The following BCS1L variants were observed in gnomAD, a reference collection of about 807,000 sequenced individuals.
BCS1L encodes mitochondrial chaperone BCS1.
In BCS1L, 38 loss-of-function variants were observed where a neutral mutation model predicts 49.3. That is an observed-to-expected ratio of 0.77 (90% CI 0.59 to 1.01). The LOEUF is 1.01. Among genes scored for constraint, BCS1L ranks in the 50% least tolerant of loss-of-function variants. BCS1L has a pLI of 0.00. For missense variants in BCS1L, 394 were observed against 540.2 expected, an observed-to-expected ratio of 0.73 and a Z score of 2.68; for synonymous variants, 193 against 210.1, an observed-to-expected ratio of 0.92 and a Z score of 0.70.
chr2:218,660,424 G>GATTAA, intron 1 of BCS1L: 1 of 156,194 alleles, frequency 6.4e-6, no homozygotes, highest in Admixed American at 6.2e-5. Context: ...AGCAGGAGGT[G>GATTAA]AAGACCTATT....
At position 218,662,006 on chromosome 2, in the gene BCS1L, A is replaced by T; in HGVS notation, c.655+53A>T. On this transcript the variant is annotated intron_variant, in intron 4 of 7. Coordinates refer to ENST00000359273, the MANE Select transcript of BCS1L (RefSeq NM_001079866.2). The surrounding 1 kb of genome is among the most constrained non-coding windows in gnomAD (Gnocchi z 5.8). ...GCTGTTTTTGACATTTTTAGAAGGG[A>T]CAGGTTGGTCTCCAGCCAGATGGGG... 6.3e-7 allele frequency: 1 copy of T among 1,588,928 alleles called. No homozygotes were observed. The highest frequency in any genetic ancestry group is 1.1e-5 in the South Asian group (1 of 89,546).
In BCS1L at chr2:218,661,357, A is replaced by G; in HGVS notation, c.321-49A>G. 7 of 1,614,194 alleles carry G rather than the reference A, an allele frequency of 4.3e-6. No individual in the cohort carries two copies. The highest frequency in any genetic ancestry group is 5.9e-6 in the Non-Finnish European group (7 of 1,180,016). On this transcript the variant is annotated intron_variant, in intron 2 of 7. Coordinates refer to ENST00000359273, the MANE Select transcript of BCS1L (RefSeq NM_001079866.2). The surrounding 1 kb of genome is among the most constrained non-coding windows in gnomAD (Gnocchi z 5.9). The stretch of plus-strand genomic sequence containing the variant: ...TGTGAGAGTAGAAAAGAATGATGGG[A>G]GCTGGGTTTGACCCATTCACTCACT...
At position 218,663,167 on chromosome 2, in the gene BCS1L, G is replaced by A. The variant is rs565428815; in HGVS notation, c.1041G>A (p.Val347=). 1 of 1,614,174 alleles carries A rather than the reference G, an allele frequency of 6.2e-7. No individual in the cohort carries two copies. The highest frequency in any genetic ancestry group is 1.7e-5 in the Admixed American group (1 of 60,024). Residue 347 remains valine (V), a synonymous_variant, in exon 8 of 8, where the codon GTG becomes GTA. Coordinates refer to ENST00000359273, the MANE Select transcript of BCS1L (RefSeq NM_001079866.2). ...CTGCCCTGATACGCCCGGGGCGAGTGGACCTGAAGGAGTACGTGGGCTACT... is the reference window on the plus strand; with the variant it reads ...CTGCCCTGATACGCCCGGGGCGAGTAGACCTGAAGGAGTACGTGGGCTACT... ...LDPALIRPGR[V]DLKEYVGYCS...
Position 218,661,137 on chromosome 2 carries a change from A to G in BCS1L, c.150A>G (p.Thr50=), listed in dbSNP as rs779179182. The G allele has an allele frequency of 3.7e-6, 6 of 1,614,042 alleles. 1 individual carries two copies. The highest frequency in any genetic ancestry group is 5.1e-6 in the Non-Finnish European group (6 of 1,180,010). ...CATTCCGGCGCCATTACATGATCAC[A>G]CTGGAAGTCCCTGCTCGAGACAGGA... ...LVAFRRHYMI[T]LEVPARDRSY... is the part of the protein sequence containing the mutation. Residue 50 remains threonine (T), a synonymous_variant, in exon 2 of 8, where the codon ACA becomes ACG. Transcript: ENST00000359273. The surrounding 1 kb of genome is among the most constrained non-coding windows in gnomAD (Gnocchi z 5.9).
At chr2:218,658,931 G>A (rs1358335947), upstream of BCS1L, 3 of 152,308 alleles carry the variant, frequency 2.0e-5, no homozygotes, top group African/African-American at 7.2e-5. Context: ...GAAACAACGG[G>A]CCCCGGCCTA....
At chr2:218,660,858 A>G in intron 1 of BCS1L, 81 bp from the exon 2 acceptor site, 1 of 966,762 alleles carries the variant, frequency 1.0e-6, no homozygotes, top group Non-Finnish European at 1.6e-6. Flanking sequence ...CCCACACAGT[A>G]ATGCTGACCT....
At position 218,662,110 on chromosome 2, in the gene BCS1L, A is replaced by C. The variant is rs1939527569; in HGVS notation, c.656-87A>C. 6.6e-7 allele frequency: 1 copy of C among 1,515,154 alleles called. No individual in the cohort carries two copies. 93.9% of individuals were successfully genotyped at this position (1,515,154 alleles called of 1,614,324 possible). A position where few individuals can be genotyped will look rare whatever the true frequency, so the allele number is the denominator to read the frequency against. ...TATGAGAATGATTTATTTCCGTACC[A>C]AGGTTATCAGGCTTCCAGGGGGCAG... is the stretch of plus-strand genomic sequence containing the variant. On this transcript the variant is annotated intron_variant, in intron 4 of 7. Coordinates refer to ENST00000359273, the MANE Select transcript of BCS1L (RefSeq NM_001079866.2). The surrounding 1 kb of genome is among the most constrained non-coding windows in gnomAD (Gnocchi z 5.8).
Position 218,661,777 on chromosome 2 carries a change from A to G in BCS1L, c.479A>G (p.Gln160Arg). Residue 160 changes from glutamine to arginine, a missense_variant, in exon 4 of 8, where the codon CAG becomes CGG. Transcript: ENST00000359273. The surrounding 1 kb of genome is among the most constrained non-coding windows in gnomAD (Gnocchi z 5.9). ...TTCCCAGCTCGAGAGCTAGCCTTGCAGCAGGAGGAAGGGAAGACCGTGATG... is the reference window on the plus strand; with the variant it reads ...TTCCCAGCTCGAGAGCTAGCCTTGCGGCAGGAGGAAGGGAAGACCGTGATG... ...ILEEARELAL[Q>R]QEEGKTVMYT... The G allele has an allele frequency of 6.2e-7, 1 of 1,609,822 alleles. No homozygotes were observed. The highest frequency in any genetic ancestry group is 8.5e-7 in the Non-Finnish European group (1 of 1,176,348).
At position 218,660,945 on chromosome 2, in the gene BCS1L, G is replaced by A. The variant is rs145989550; in HGVS notation, c.-43G>A. The A allele has an allele frequency of 2.0e-3, 3,280 of 1,606,674 alleles. 4 individuals are homozygous for A. Among genetic ancestry groups the A allele is most frequent in the Non-Finnish European group, 2.5e-3 (2,988 of 1,175,836 alleles). On this transcript the variant is annotated 5_prime_UTR_variant, in exon 2 of 8. Transcript: ENST00000359273. Reference sequence around the variant, plus strand: ...CACTGTTCCCCACCCCTAGGTTTTCGTAACACCCCAGGGCCTGTAAGGTTT... The same window carrying A: ...CACTGTTCCCCACCCCTAGGTTTTCATAACACCCCAGGGCCTGTAAGGTTT...
rs914472798 is a variant in BCS1L at position 218,662,708 on chromosome 2, G to A, written c.889+29G>A. The stretch of plus-strand genomic sequence containing the variant: ...AGTGAGGGGTTCTGGAGGAAGTGGA[G>A]TGGGTAACTGTGGAACAGGGGAAGA... On this transcript the variant is annotated intron_variant, in intron 6 of 7. Coordinates refer to ENST00000359273, the MANE Select transcript of BCS1L (RefSeq NM_001079866.2). This position sits in a 1 kb window ranked among gnomAD's most constrained non-coding sequence, Gnocchi z 5.8. 6.2e-7 allele frequency: 1 copy of A among 1,613,858 alleles called. No individual in the cohort carries two copies.
chr2:218,661,239 TC>T lies in BCS1L; in HGVS notation c.253del (p.Gln85SerfsTer31), dbSNP rs1450243821. On this transcript the variant is annotated frameshift_variant, in exon 2 of 8. Coordinates refer to ENST00000359273, the MANE Select transcript of BCS1L (RefSeq NM_001079866.2). LOFTEE classifies it high-confidence loss of function. This position sits in a 1 kb window ranked among gnomAD's most constrained non-coding sequence, Gnocchi z 5.9. The stretch of plus-strand genomic sequence containing the variant: ...ACCTCAGTGTCGAGACTTCGTACCT[TC>T]AGCATGAGAGTGGCCGCATTTCCAC... ...QHLSVETSYLQHESGRISTKF... is the reference protein window; with the variant it reads ...QHLSVETSYLXHESGRISTKF... 6.2e-7 allele frequency: 1 copy of T among 1,614,222 alleles called. No individual in the cohort carries two copies. The highest frequency in any genetic ancestry group is 1.7e-5 in the Admixed American group (1 of 60,018).
chr2:218,661,778 G>A lies in BCS1L; in HGVS notation c.480G>A (p.Gln160=), dbSNP rs1939479360. Reference sequence around the variant, plus strand: ...TCCCAGCTCGAGAGCTAGCCTTGCAGCAGGAGGAAGGGAAGACCGTGATGT... The same window carrying A: ...TCCCAGCTCGAGAGCTAGCCTTGCAACAGGAGGAAGGGAAGACCGTGATGT... ...ILEEARELAL[Q]QEEGKTVMYT... Residue 160 remains glutamine, a synonymous_variant, in exon 4 of 8, where the codon CAG becomes CAA. Coordinates refer to ENST00000359273, the MANE Select transcript of BCS1L (RefSeq NM_001079866.2). This position sits in a 1 kb window ranked among gnomAD's most constrained non-coding sequence, Gnocchi z 5.9. 6.2e-7 allele frequency: 1 copy of A among 1,609,698 alleles called. No homozygotes were observed. Among genetic ancestry groups the A allele is most frequent in the South Asian group, 1.1e-5 (1 of 91,028 alleles).
Position 218,662,829 on chromosome 2 carries a change from A to G in BCS1L, c.890-54A>G. 1.9e-6 allele frequency: 3 copies of G among 1,593,184 alleles called. No homozygotes were observed. The highest frequency in any genetic ancestry group is 2.6e-6 in the Non-Finnish European group (3 of 1,161,190). On this transcript the variant is annotated intron_variant, in intron 6 of 7. Coordinates refer to ENST00000359273, the MANE Select transcript of BCS1L (RefSeq NM_001079866.2). This position sits in a 1 kb window ranked among gnomAD's most constrained non-coding sequence, Gnocchi z 5.8. ...GTAGGGGAACATAGTGGGGCATGCTAATTTTATGCTGGGCTATGACTACTC... is the reference window on the plus strand; with the variant it reads ...GTAGGGGAACATAGTGGGGCATGCTGATTTTATGCTGGGCTATGACTACTC...
chr2:218,663,093 G>A (rs1575111354), intron 7 of BCS1L, 41 bp from the exon 8 acceptor site: 2 of 1,614,188 alleles, frequency 1.2e-6, no homozygotes, highest in South Asian at 1.1e-5. Flanking sequence ...GGCCATCTCT[G>A]TTGGGTGCTA....
Position 218,662,519 on chromosome 2 carries a change from G to T in BCS1L, c.729G>T (p.Leu243=). 2 of 1,613,894 alleles carry T rather than the reference G, an allele frequency of 1.2e-6. No individual in the cohort carries two copies. The highest frequency in any genetic ancestry group is 2.2e-5 in the South Asian group (2 of 91,062). The part of the protein sequence containing the change: ...GCGKSSFITA[L]AGELEHSICL... ...ATCCCATGCTCCATAGCACAGCCCT[G>T]GCTGGGGAACTGGAGCACAGCATCT... Residue 243 remains leucine (L), a synonymous_variant, in exon 6 of 8, where the codon CTG becomes CTT. Transcript: ENST00000359273. This position sits in a 1 kb window ranked among gnomAD's most constrained non-coding sequence, Gnocchi z 5.8.
In BCS1L at chr2:218,661,944, A is replaced by G. The variant is rs1939507938; in HGVS notation, c.646A>G (p.Thr216Ala). 1.2e-6 allele frequency: 2 copies of G among 1,613,974 alleles called. No homozygotes were observed. Among genetic ancestry groups the G allele is most frequent in the Admixed American group, 3.3e-5 (2 of 59,974 alleles). ...ATTCATCGATAACCCCAAGTGGTAC[A>G]CTGACAGAGGTGAGAAGCAGCTGGG... is the stretch of plus-strand genomic sequence containing the variant. ...QEFIDNPKWY[T>A]DRGIPYRRGY... Residue 216 changes from threonine (T) to alanine (A), a missense_variant, in exon 4 of 8, where the codon ACT becomes GCT. Coordinates refer to ENST00000359273, the MANE Select transcript of BCS1L (RefSeq NM_001079866.2). The surrounding 1 kb of genome is among the most constrained non-coding windows in gnomAD (Gnocchi z 5.9).
intron 1 of BCS1L, chr2:218,660,407 T>TGACG: frequency 6.5e-6 from 1 of 153,658 alleles, no homozygotes; most frequent in Non-Finnish European, 1.4e-5. Context: ...GTGTAGATGT[T>TGACG]CCGTGAAGCA....
At chr2:218,658,934 C>G (rs1938952424), upstream of BCS1L, 1 of 152,320 alleles carries the variant, frequency 6.6e-6, no homozygotes, top group Admixed American at 6.5e-5. Flanking sequence ...ACAACGGGCC[C>G]CGGCCTAGCG....
Position 218,662,292 on chromosome 2 carries a change from A to G in BCS1L, c.719+32A>G. 6.3e-7 allele frequency: 1 copy of G among 1,597,720 alleles called. No homozygotes were observed. The highest frequency in any genetic ancestry group is 8.6e-7 in the Non-Finnish European group (1 of 1,165,134). On this transcript the variant is annotated intron_variant, in intron 5 of 7. Transcript: ENST00000359273. This position sits in a 1 kb window ranked among gnomAD's most constrained non-coding sequence, Gnocchi z 5.8. The stretch of plus-strand genomic sequence containing the variant: ...ATTCAAAATTTCTCTCAACTTGGCA[A>G]AACGAAGCCTTTGTGGAAACACTAG...
Sources: gnomAD v4.1 joint callset for allele counts on GRCh38, gnomAD v4.1.1 for gene constraint, Gnocchi (gnomAD v3.1) non-coding constraint, MANE v1.5 for transcripts, NCBI Gene and HGNC (gene_info 2026-07-23, HGNC 2026-07-21) for gene names.